Variants in LRIG2 observed in about 807,000 individuals in gnomAD.
LRIG2 encodes leucine-rich repeats and immunoglobulin-like domains protein 2.
In LRIG2, 93 loss-of-function variants were observed where a neutral mutation model predicts 107.8. The observed-to-expected ratio is 0.86, with a 90% CI of 0.73 to 1.03. The LOEUF is 1.03. Ranked by LOEUF, LRIG2 falls within the 50% of genes least tolerant of loss-of-function variation. The pLI is 0.00. For missense variants in LRIG2, 1,226 were observed against 1,296.0 expected (o/e 0.95, Z 0.83); for synonymous variants, 471 against 470.6 (o/e 1.00, Z -0.01).
At chr1:113,114,208 C>T (rs1654897124) in intron 14 of LRIG2, among the ~76,000 whole-genome samples, 1 of 151,772 alleles carries the variant, frequency 6.6e-6, no homozygotes, top group Non-Finnish European at 1.5e-5. Context: ...TTGCAGCTGC[C>T]CTGAACTTCT....
Position 113,124,294 on chromosome 1 carries a change from TG to T in LRIG2, c.*196del. ...AAGAAATGGCAACAGCTGACAGAAATGGGTACAGCTCATCAAAAATGTGCAG... is the reference window on the plus strand; with the variant it reads ...AAGAAATGGCAACAGCTGACAGAAATGGTACAGCTCATCAAAAATGTGCAG... On this transcript the variant is annotated 3_prime_UTR_variant, in exon 18 of 18. Transcript: ENST00000361127. 1.7e-6 allele frequency: 1 copy of T among 600,776 alleles called. No individual in the cohort carries two copies. The highest frequency in any genetic ancestry group is 2.9e-6 in the Non-Finnish European group (1 of 339,080). The allele number at this position is 600,776 out of a possible 1,614,324, so 37.2% of individuals were successfully genotyped here. A position where few individuals can be genotyped will look rare whatever the true frequency, so the allele number is the denominator to read the frequency against.
At chr1:113,121,859 G>C (rs1655271402) in intron 17 of LRIG2, among the ~76,000 whole-genome samples, 2 of 152,020 alleles carry the variant, frequency 1.3e-5, no homozygotes, top group Admixed American at 1.3e-4. Context: ...AATGTCCCAT[G>C]TTAGATTATG....
chr1:113,122,447 T>G (rs971649093), intron 17 of LRIG2, among the ~76,000 whole-genome samples: 3 of 152,202 alleles, frequency 2.0e-5, no homozygotes, highest in Non-Finnish European at 4.4e-5. Context: ...AAAGCACTAT[T>G]ACTGAAGTTA....
At chr1:113,106,607 C>T (rs1195353232) in intron 11 of LRIG2, among the ~76,000 whole-genome samples, 1 of 152,068 alleles carries the variant, frequency 6.6e-6, no homozygotes, top group Non-Finnish European at 1.5e-5. Flanking sequence ...CGGGTTCAAG[C>T]AGTTCTCCTG....
In LRIG2 at chr1:113,074,754, A is replaced by G. The variant is rs191023534; in HGVS notation, c.239+1109A>G. 6.2e-3 allele frequency among the ~76,000 whole-genome samples: 939 copies of G among 151,556 alleles called. 3 individuals carry two copies. Among genetic ancestry groups the G allele is most frequent in the Middle Eastern group, 0.014 (4 of 292 alleles). On this transcript the variant is annotated intron_variant, in intron 1 of 17. Coordinates refer to ENST00000361127, the MANE Select transcript of LRIG2 (RefSeq NM_014813.3). ...AAACCCCGTCTCTACTAAAAATACA[A>G]AAAAATTAGCTGGGTGTGGTGGTGT...
At chr1:113,074,427 G>C (rs531940050) in intron 1 of LRIG2, among the ~76,000 whole-genome samples, 36 of 152,280 alleles carry the variant, frequency 2.4e-4, no homozygotes, top group Admixed American at 2.3e-3. Context: ...CACTTTGACA[G>C]GTCTTTATTA....
chr1:113,078,003 G>C (rs1381733477), intron 1 of LRIG2, among the ~76,000 whole-genome samples: 2 of 150,224 alleles, frequency 1.3e-5, no homozygotes, highest in Non-Finnish European at 3.0e-5. Flanking sequence ...TTTTGTCCTT[G>C]CAATAGTTTG....
intron 13 of LRIG2, 23 bp downstream of exon 13, chr1:113,110,585 T>A (rs1654734782): frequency 6.6e-7 from 1 of 1,521,780 alleles, no homozygotes; most frequent in Non-Finnish European, 8.9e-7. Flanking sequence ...GCTCCTTGAT[T>A]TTTTTTAGTT....
intron 6 of LRIG2, among the ~76,000 whole-genome samples, 164 bp downstream of exon 6, chr1:113,094,919 T>C (rs186815197): frequency 5.3e-4 from 80 of 152,114 alleles, no homozygotes; most frequent in East Asian, 3.9e-4. Flanking sequence ...TTTTGTTAGC[T>C]AACTGATCAA....
At chr1:113,106,269 A>G (rs965956013) in intron 11 of LRIG2, among the ~76,000 whole-genome samples, 25 of 152,164 alleles carry the variant, frequency 1.6e-4, no homozygotes, top group Admixed American at 1.5e-3. Flanking sequence ...CTGTGGAATC[A>G]GATCTTAGAT....
chr1:113,120,819 G>GTT (rs945726017), intron 17 of LRIG2, among the ~76,000 whole-genome samples: 2 of 140,104 alleles, frequency 1.4e-5, no homozygotes. Context: ...CTACTGAGAA[G>GTT]TTTTTTTTTT....
chr1:113,075,510 T>C (rs1330070408), intron 1 of LRIG2, among the ~76,000 whole-genome samples: 1 of 152,118 alleles, frequency 6.6e-6, no homozygotes, highest in Non-Finnish European at 1.5e-5. Context: ...TTGACCCAAA[T>C]TTAAAAACTC....
chr1:113,120,256 C>T (rs1557922013), intron 17 of LRIG2, among the ~76,000 whole-genome samples: 1 of 151,664 alleles, frequency 6.6e-6, no homozygotes, highest in Admixed American at 6.6e-5. Flanking sequence ...TTGAGACCAG[C>T]CTGGCCAACA....
chr1:113,114,135 C>CT (rs71590540), intron 14 of LRIG2, among the ~76,000 whole-genome samples: 16,012 of 151,010 alleles, frequency 0.11, 1,031 homozygotes, highest in Admixed American at 0.17. Context: ...CTTTGAATTT[C>CT]TTTTTTTTTA....
chr1:113,113,961 AT>A (rs899561214), intron 14 of LRIG2, among the ~76,000 whole-genome samples: 7 of 152,090 alleles, frequency 4.6e-5, no homozygotes, highest in Admixed American at 1.3e-4. Context: ...ATATACCTAC[AT>A]TTTTTTCATT....
chr1:113,094,812 A>G, intron 6 of LRIG2, 57 bp downstream of exon 6: 2 of 1,536,242 alleles, frequency 1.3e-6, no homozygotes, highest in Non-Finnish European at 8.9e-7. Context: ...GGGACTTTTC[A>G]GTGTCGAATG....
Position 113,107,575 on chromosome 1 carries a change from C to T in LRIG2, c.1314-19C>T. 1 of 1,599,144 alleles carries T rather than the reference C, an allele frequency of 6.3e-7. No homozygotes were observed. Among genetic ancestry groups the T allele is most frequent in the African/African-American group, 1.4e-5 (1 of 73,920 alleles). ...GAAAAGTAAAACAAAGGATGCTTTT[C>T]CTCTTTTCTTTCCTGCAGGATTCTG... On this transcript the variant is annotated intron_variant, in intron 11 of 17. Coordinates refer to ENST00000361127, the MANE Select transcript of LRIG2 (RefSeq NM_014813.3).
rs776302791 is a variant in LRIG2, at chr1:113,123,915, A to G, written c.3012A>G (p.Leu1004=). Residue 1004 remains leucine, a synonymous_variant, in exon 18 of 18, where the codon CTA becomes CTG. Transcript: ENST00000361127. ...CCGTGTGGAACATAAACAGAGAACT[A>G]GGCCTGCCTCATCCTCCTTTTTCCC... ...QRPVWNINRE[L]GLPHPPFSQQ... is the part of the protein sequence containing the mutation. 2.7e-5 allele frequency: 44 copies of G among 1,614,058 alleles called. No individual in the cohort carries two copies. Among genetic ancestry groups the G allele is most frequent in the Non-Finnish European group, 3.6e-5 (43 of 1,180,036 alleles).
intron 1 of LRIG2, among the ~76,000 whole-genome samples, chr1:113,088,275 A>G (rs1653645680): frequency 6.6e-6 from 1 of 152,204 alleles, no homozygotes. Context: ...AAAGCATTTC[A>G]GGTATCCTTT....
Sources: allele counts gnomAD v4.1 joint callset (sites outside exome capture counted in the v4.1 genomes callset), GRCh38; gene constraint gnomAD v4.1.1; transcripts MANE v1.5; gene names NCBI Gene and HGNC (gene_info 2026-07-23, HGNC 2026-07-21).